The following CPNE1 variants were observed in gnomAD, a reference collection of about 807,000 sequenced individuals.
The protein encoded by CPNE1 is copine 1.
CPNE1 carries 58 observed loss-of-function variants against 63.2 expected under a neutral mutation model. The observed-to-expected ratio is 0.92, with a 90% CI of 0.74 to 1.14. The LOEUF (loss-of-function observed/expected upper bound fraction) is 1.14, where lower values mean the gene tolerates loss of function less well. Among genes scored for constraint, CPNE1 ranks in the 50% most tolerant of loss-of-function variants. CPNE1 has a pLI of 0.00. For missense variants in CPNE1, 672 were observed against 661.7 expected (o/e 1.02, Z -0.17); for synonymous variants, 237 against 249.0 (o/e 0.95, Z 0.45).
rs148258391 is a variant in CPNE1, at chr20:35,645,061, A to ACCG, written c.1-12141_1-12139dup. Among the ~76,000 whole-genome samples, 481 of 152,280 alleles carry ACCG rather than the reference A, an allele frequency of 3.2e-3. 3 individuals carry two copies. The East Asian group carries it at 0.04, about 13-fold the overall frequency. ...GGGGTGTCTGAGACAACAGTACTAT[A>ACCG]CCGCCTTCCTGATGATCTCCAGGAC... On this transcript the variant is annotated intron_variant, in intron 1 of 15. Transcript: ENST00000397443.
intron 1 of CPNE1, chr20:35,653,156 A>T: frequency 6.2e-7 from 1 of 1,613,574 alleles, no homozygotes. Flanking sequence ...TTACCAGGAA[A>T]GTTAAATGGA....
chr20:35,627,467 C>A, intron 13 of CPNE1, 54 bp from the exon 14 acceptor site: 1 of 1,576,858 alleles, frequency 6.3e-7, no homozygotes, highest in Non-Finnish European at 8.7e-7. Context: ...AGGACTACAC[C>A]AGTCCTGAAA....
chr20:35,659,069 C>A (rs941614736), intron 1 of CPNE1: 1 of 711,676 alleles, frequency 1.4e-6, no homozygotes, highest in South Asian at 1.5e-5. Context: ...CAAAACAACA[C>A]GCACAGGCCA....
intron 1 of CPNE1, chr20:35,650,797 C>T (rs923847279): frequency 1.3e-5 from 2 of 152,562 alleles, no homozygotes; most frequent in Non-Finnish European, 2.9e-5. Context: ...CGCTGTATTT[C>T]AGTGTTCCAC....
chr20:35,654,675 T>C (rs760900614), intron 1 of CPNE1: 20 of 1,613,300 alleles, frequency 1.2e-5, no homozygotes, highest in Non-Finnish European at 1.6e-5. Flanking sequence ...CAGGAGGCAA[T>C]GTAGGTACTG....
At chr20:35,663,222 A>C (rs1418566851) in intron 1 of CPNE1, among the ~76,000 whole-genome samples, 1 of 152,216 alleles carries the variant, frequency 6.6e-6, no homozygotes, top group Non-Finnish European at 1.5e-5. Context: ...AAATTTCAAA[A>C]ACAAGTACAA....
chr20:35,650,016 G>C (rs1255956849), intron 1 of CPNE1: 1 of 152,566 alleles, frequency 6.6e-6, no homozygotes, highest in East Asian at 1.9e-4. Flanking sequence ...CAGGAAGAGA[G>C]GTATGAGTAG....
chr20:35,637,610 G>C (rs2032560577), intron 1 of CPNE1, among the ~76,000 whole-genome samples: 1 of 151,994 alleles, frequency 6.6e-6, no homozygotes, highest in Admixed American at 6.6e-5. Flanking sequence ...GGATTTTCTT[G>C]TCTCTGCTCT....
intron 1 of CPNE1, among the ~76,000 whole-genome samples, chr20:35,659,434 T>C (rs992132740): frequency 5.3e-5 from 8 of 152,220 alleles, no homozygotes; most frequent in Non-Finnish European, 1.2e-4. Flanking sequence ...ATAACAATTC[T>C]TGGACAACTT....
chr20:35,632,082 C>A (rs527918823), intron 5 of CPNE1, 57 bp from the exon 6 acceptor site: 2 of 1,601,452 alleles, frequency 1.2e-6, no homozygotes, highest in East Asian at 2.2e-5. Flanking sequence ...TTATGCCATC[C>A]CTCTGTCCAC....
rs766324133 is a variant in CPNE1, at chr20:35,653,140, C to T, written c.-1+11620G>A. 6 of 1,613,662 alleles carry T rather than the reference C, an allele frequency of 3.7e-6. No homozygotes were observed. The South Asian group carries it at 6.6e-5, about 18-fold the overall frequency. ...TGGTGGCCCAAAGGCATTTGATCCACCAAAATTACCAGGAAAGTTAAATGG... is the reference window on the plus strand; with the variant it reads ...TGGTGGCCCAAAGGCATTTGATCCATCAAAATTACCAGGAAAGTTAAATGG... On this transcript the variant is annotated intron_variant, in intron 1 of 15. Transcript: ENST00000397443.
chr20:35,654,958 G>C, intron 1 of CPNE1: 1 of 1,614,190 alleles, frequency 6.2e-7, no homozygotes, highest in Non-Finnish European at 8.5e-7. Context: ...GTTGGATACT[G>C]TTGTGGGCAA....
At chr20:35,653,979 AT>A (rs1568936721) in intron 1 of CPNE1, 1 of 1,614,216 alleles carries the variant, frequency 6.2e-7, no homozygotes, top group Non-Finnish European at 8.5e-7. Context: ...TTTTAAAAAA[AT>A]CAATGACATG....
intron 1 of CPNE1, among the ~76,000 whole-genome samples, chr20:35,656,849 T>C (rs982903887): frequency 2.0e-5 from 3 of 147,088 alleles, no homozygotes; most frequent in Non-Finnish European, 3.1e-5. Flanking sequence ...AATCAGCTCA[T>C]GACCCTCAGA....
rs201142814 is a variant in CPNE1 at position 35,630,871 on chromosome 20, C to T, written c.995+30G>A. 254 of 1,601,458 alleles carry T rather than the reference C, an allele frequency of 1.6e-4. 1 individual carries two copies. Among genetic ancestry groups the T allele is most frequent in the Non-Finnish European group, 2.1e-4 (243 of 1,173,822 alleles). On this transcript the variant is annotated intron_variant, in intron 11 of 15. Coordinates refer to ENST00000397443, the MANE Select transcript of CPNE1 (RefSeq NM_152925.3). ...CAGAGGCTGAAGCATCTGCAGGGAG[C>T]GGGTATAGCCCAGAGAAGCAGGTAC...
At chr20:35,658,592 C>G (rs2034041172) in intron 1 of CPNE1, among the ~76,000 whole-genome samples, 1 of 152,076 alleles carries the variant, frequency 6.6e-6, no homozygotes, top group Non-Finnish European at 1.5e-5. Context: ...AACCCCATCT[C>G]TACTAAAAAT....
intron 1 of CPNE1, chr20:35,653,637 C>T (rs539871048): frequency 1.9e-6 from 3 of 1,614,154 alleles, no homozygotes; most frequent in East Asian, 2.2e-5. Flanking sequence ...CTTCTAGGAA[C>T]TGAAGAACAT....
intron 1 of CPNE1, chr20:35,655,030 G>T: frequency 6.2e-7 from 1 of 1,614,042 alleles, no homozygotes; most frequent in African/African-American, 1.3e-5. Context: ...ATTTGCTGGT[G>T]GTATATCTAA....
chr20:35,646,082 C>T (rs1319474593), intron 1 of CPNE1, among the ~76,000 whole-genome samples: 1 of 150,896 alleles, frequency 6.6e-6, no homozygotes, highest in Non-Finnish European at 1.5e-5. Context: ...CCCTCCACTC[C>T]ACCATCACCC....
Sources: gnomAD v4.1 joint callset for allele counts (sites outside exome capture counted in the v4.1 genomes callset) on GRCh38, gnomAD v4.1.1 for gene constraint, MANE v1.5 for transcripts, NCBI Gene and HGNC (gene_info 2026-07-23, HGNC 2026-07-21) for gene names.